Variants in ELMO1 observed in about 807,000 individuals in gnomAD.
ELMO1 encodes engulfment and cell motility 1, also known as engulfment and cell motility protein 1.
In ELMO1, 26 loss-of-function variants were observed where a neutral mutation model predicts 98.9. The observed-to-expected ratio is 0.26, with a 90% CI of 0.19 to 0.36. ELMO1 has a LOEUF of 0.36. Among genes scored for constraint, ELMO1 ranks in the 10% least tolerant of loss-of-function variants. ELMO1 has a pLI of 1.00. For missense variants in ELMO1, 627 were observed against 935.2 expected, an observed-to-expected ratio of 0.67 and a Z score of 4.30; for synonymous variants, 346 against 346.0, an observed-to-expected ratio of 1.00 and a Z score of 0.00.
Position 37,211,805 on chromosome 7 carries a change from C to A in ELMO1, c.955-288G>T, listed in dbSNP as rs1428273727. Reference sequence around the variant, plus strand: ...GTCCAGTGCAGTCTTAACTGAGAGGCCCAGATATGATGGAAGGGTCGTGAT... The same window carrying A: ...GTCCAGTGCAGTCTTAACTGAGAGGACCAGATATGATGGAAGGGTCGTGAT... On this transcript the variant is annotated intron_variant, in intron 12 of 21. Transcript: ENST00000310758. Among the ~76,000 whole-genome samples, 1 of 152,096 alleles carries A rather than the reference C, an allele frequency of 6.6e-6. No individual in the cohort carries two copies. Among genetic ancestry groups the A allele is most frequent in the Admixed American group, 6.6e-5 (1 of 15,262 alleles).
At chr7:37,384,690 G>T (rs536954701) in intron 1 of ELMO1, among the ~76,000 whole-genome samples, 1 of 151,726 alleles carries the variant, frequency 6.6e-6, no homozygotes, top group African/African-American at 2.4e-5. Flanking sequence ...ACTGCAGTCC[G>T]GCCTGGGCGA....
At chr7:37,115,295 GA>G (rs908300619) in intron 14 of ELMO1, among the ~76,000 whole-genome samples, 1 of 151,528 alleles carries the variant, frequency 6.6e-6, no homozygotes, top group African/African-American at 2.4e-5. Context: ...GCATAAGAAA[GA>G]AAAAAAATGC....
rs549422989 is a variant in ELMO1, at chr7:37,437,691, C to G, written c.-74+10984G>C. ...AGCTGTTTTGAAATATACAATAGGC[C>G]GGGCGCGGTGGCTCACGCCTGTAAT... On this transcript the variant is annotated intron_variant, in intron 1 of 21. Transcript: ENST00000310758. 1.8e-4 allele frequency among the ~76,000 whole-genome samples: 2 copies of G among 10,906 alleles called. 1 individual carries two copies. The highest frequency in any genetic ancestry group is 5.0e-4 in the Non-Finnish European group (2 of 3,968). 7.2% of individuals were successfully genotyped at this position (10,906 alleles called of 152,430 possible). A position where few individuals can be genotyped will look rare whatever the true frequency, so the allele number is the denominator to read the frequency against.
chr7:37,197,912 G>A (rs1361686374), intron 13 of ELMO1, among the ~76,000 whole-genome samples: 1 of 152,192 alleles, frequency 6.6e-6, no homozygotes, highest in Non-Finnish European at 1.5e-5. Context: ...GCACTGTCCA[G>A]CCTAGGTCCA....
At position 37,133,190 on chromosome 7, in the gene ELMO1, C is replaced by G. The variant is rs768449172; in HGVS notation, c.1131G>C (p.Gly377=). 4.3e-6 allele frequency: 7 copies of G among 1,612,840 alleles called. No homozygotes were observed. In the South Asian group the frequency reaches 7.7e-5, roughly 18 times the overall value. The change falls in exon 14 of 22, where the codon GGG becomes GGC. Residue 377 remains glycine, a synonymous_variant. Transcript: ENST00000310758. The part of the protein sequence containing the change: ...PAMDFTQTPP[G]MLALDNMLYF... ...ACAGCATGTTGTCCAGAGCCAACAT[C>G]CCAGGTGGAGTCTGCGTGAAGTCCA...
At chr7:37,443,417 T>C (rs746075281) in intron 1 of ELMO1, among the ~76,000 whole-genome samples, 1 of 152,216 alleles carries the variant, frequency 6.6e-6, no homozygotes, top group Non-Finnish European at 1.5e-5. Flanking sequence ...TCCTTCTATT[T>C]ATACATGTGA....
At chr7:37,256,219 T>C (rs372970203) in intron 6 of ELMO1, among the ~76,000 whole-genome samples, 19 of 152,242 alleles carry the variant, frequency 1.2e-4, no homozygotes, top group African/African-American at 4.6e-4. Flanking sequence ...CACTCCACGT[T>C]GAGGTATGCC....
chr7:36,874,621 A>G (rs1803793233), intron 19 of ELMO1, among the ~76,000 whole-genome samples: 2 of 152,200 alleles, frequency 1.3e-5, no homozygotes, highest in South Asian at 4.1e-4. Flanking sequence ...CGCTCTTCGC[A>G]TCCACTGGAG....
intron 16 of ELMO1, among the ~76,000 whole-genome samples, chr7:36,995,579 C>T (rs943984859): frequency 1.3e-5 from 2 of 151,868 alleles, no homozygotes; most frequent in Non-Finnish European, 2.9e-5. Context: ...TTGCAGGCTG[C>T]TCTACTCACA....
At chr7:37,370,353 C>A (rs940979677) in intron 1 of ELMO1, among the ~76,000 whole-genome samples, 3 of 152,120 alleles carry the variant, frequency 2.0e-5, no homozygotes, top group Admixed American at 6.5e-5. Flanking sequence ...AAGCATCAAC[C>A]ATCTGGTTCC....
intron 2 of ELMO1, among the ~76,000 whole-genome samples, chr7:37,322,165 T>G (rs1276990422): frequency 6.6e-6 from 1 of 151,526 alleles, no homozygotes; most frequent in Non-Finnish European, 1.5e-5. Context: ...GCCCTAAGAA[T>G]TAACTTCTGT....
intron 2 of ELMO1, among the ~76,000 whole-genome samples, chr7:37,328,413 CT>C (rs1221249627): frequency 2.6e-5 from 2 of 78,408 alleles, no homozygotes; most frequent in African/African-American, 7.1e-5. Flanking sequence ...AAAAAAGATG[CT>C]GTGTAACTTG....
chr7:37,391,418 G>T (rs1242762143), intron 1 of ELMO1, among the ~76,000 whole-genome samples: 2 of 152,148 alleles, frequency 1.3e-5, no homozygotes, highest in Admixed American at 6.6e-5. Context: ...ACCCAGCCCA[G>T]AAGTAGTTAT....
At chr7:37,105,330 T>C (rs915624077) in intron 14 of ELMO1, among the ~76,000 whole-genome samples, 1 of 152,056 alleles carries the variant, frequency 6.6e-6, no homozygotes, top group Non-Finnish European at 1.5e-5. Flanking sequence ...GGCCAGGAGG[T>C]ATCAGGGGCA....
At chr7:37,315,003 T>A in intron 3 of ELMO1, 81 bp from the exon 4 acceptor site, 1 of 1,253,300 alleles carries the variant, frequency 8.0e-7, no homozygotes, top group Non-Finnish European at 1.1e-6. Flanking sequence ...TTGGATGAAC[T>A]AAGCACCCTG....
intron 16 of ELMO1, among the ~76,000 whole-genome samples, chr7:36,930,054 G>A (rs149508508): frequency 3.0e-3 from 450 of 152,258 alleles, no homozygotes; most frequent in Non-Finnish European, 3.7e-3. Flanking sequence ...ACTGGTCAAC[G>A]CAAATCAAAG....
Position 36,858,644 on chromosome 7 carries a change from G to A in ELMO1, c.1984-2893C>T, listed in dbSNP as rs75400353. Among the ~76,000 whole-genome samples the A allele has an allele frequency of 8.6e-3, 1,299 of 151,622 alleles. 11 individuals are homozygous for A. The highest frequency in any genetic ancestry group is 0.015 in the Non-Finnish European group (1,008 of 67,920). On this transcript the variant is annotated intron_variant, in intron 21 of 21. Transcript: ENST00000310758. ...AATGTAATCCCAAAGGTCCTTAAAA[G>A]TGAGAGAAGGAAACAGAAGAAGAGT...
chr7:36,896,051 C>T (rs190255142), intron 16 of ELMO1, among the ~76,000 whole-genome samples: 2 of 152,274 alleles, frequency 1.3e-5, no homozygotes, highest in Non-Finnish European at 2.9e-5. Context: ...TGTAAACACC[C>T]GACTATGCTG....
chr7:37,237,557 T>C (rs1325979925), intron 7 of ELMO1, among the ~76,000 whole-genome samples: 1 of 152,210 alleles, frequency 6.6e-6, no homozygotes, highest in Non-Finnish European at 1.5e-5. Flanking sequence ...CCCAAAGTGC[T>C]GGGATTACAG....
Sources: allele counts gnomAD v4.1 joint callset (sites outside exome capture counted in the v4.1 genomes callset), GRCh38; gene constraint gnomAD v4.1.1; transcripts MANE v1.5; gene names NCBI Gene and HGNC (gene_info 2026-07-23, HGNC 2026-07-21).